Variants in KCNK10 observed in about 807,000 individuals in gnomAD.
KCNK10 encodes the protein potassium channel subfamily K member 10.
Under a neutral mutation model 47.7 loss-of-function variants are expected in KCNK10, and 25 were observed. The ratio of observed to expected loss-of-function variants is 0.52; its 90% CI spans 0.38 to 0.73. The LOEUF (loss-of-function observed/expected upper bound fraction) is 0.73, where lower values mean the gene tolerates loss of function less well. KCNK10 is among the 30% of genes least tolerant of loss of function. KCNK10 has a pLI of 0.00. For synonymous variants in KCNK10, 303 were observed against 285.6 expected (o/e 1.06, Z -0.61); for missense variants, 563 against 714.5 (o/e 0.79, Z 2.42).
chr14:88,247,782 G>A (rs1243831708), intron 2 of KCNK10, among the ~76,000 whole-genome samples: 4 of 152,112 alleles, frequency 2.6e-5, no homozygotes, highest in Admixed American at 6.5e-5. Flanking sequence ...AGCCCCTTGG[G>A]TATTCACTAA....
rs1411383197 is a variant in KCNK10 at position 88,186,141 on chromosome 14, C to T, written c.1026G>A (p.Lys342=). The change falls in exon 7 of 7, where the codon AAG becomes AAA. Residue 342 remains lysine, a synonymous_variant. Coordinates refer to ENST00000319231, the MANE Select transcript of KCNK10 (RefSeq NM_138317.3). This position sits in a 1 kb window ranked among gnomAD's most constrained non-coding sequence, Gnocchi z 5.5. The part of the protein sequence containing the change: ...KKTKEEVGEI[K]AHAAEWKANV... Reference sequence around the variant, plus strand: ...TGGCCTTCCACTCTGCCGCATGGGCCTTGATTTCACCCACCTGGCCAAGAG... The same window carrying T: ...TGGCCTTCCACTCTGCCGCATGGGCTTTGATTTCACCCACCTGGCCAAGAG... 1 of 1,586,370 alleles carries T rather than the reference C, an allele frequency of 6.3e-7. No homozygotes were observed. The highest frequency in any genetic ancestry group is 8.6e-7 in the Non-Finnish European group (1 of 1,166,080).
At chr14:88,199,464 C>T (rs1595076180) in intron 4 of KCNK10, among the ~76,000 whole-genome samples, 1 of 152,264 alleles carries the variant, frequency 6.6e-6, no homozygotes, top group African/African-American at 2.4e-5. Context: ...CATTAAGGAA[C>T]CCTGAGCCCT....
chr14:88,180,927 C>CT lies in KCNK10; in HGVS notation c.*4607dup. The CT allele has an allele frequency of 2.5e-6, 1 of 398,440 alleles. No individual in the cohort carries two copies. Among genetic ancestry groups the CT allele is most frequent in the Non-Finnish European group, 4.4e-6 (1 of 225,926 alleles). 24.7% of individuals were successfully genotyped at this position (398,440 alleles called of 1,614,324 possible). A position where few individuals can be genotyped will look rare whatever the true frequency, so the allele number is the denominator to read the frequency against. On this transcript the variant is annotated 3_prime_UTR_variant, in exon 7 of 7. Transcript: ENST00000319231. ...GTGATCTTTGTTTCAGAGAGTTACC[C>CT]TTTTTCTTTTTAAGGCCATTACTAG...
chr14:88,221,780 C>G (rs1472885016), intron 4 of KCNK10, among the ~76,000 whole-genome samples: 1 of 152,126 alleles, frequency 6.6e-6, no homozygotes, highest in East Asian at 1.9e-4. Context: ...TTCGTAATTA[C>G]CAAAACTTAG....
chr14:88,221,662 T>C (rs1213489410), intron 4 of KCNK10, among the ~76,000 whole-genome samples: 2 of 152,208 alleles, frequency 1.3e-5, no homozygotes, highest in Non-Finnish European at 2.9e-5. Context: ...CACCTAAGCA[T>C]ATTCTTACCA....
intron 3 of KCNK10, among the ~76,000 whole-genome samples, chr14:88,236,485 A>G (rs1886305478): frequency 6.6e-6 from 1 of 152,246 alleles, no homozygotes; most frequent in African/African-American, 2.4e-5. Flanking sequence ...TCAGCCAAGT[A>G]AGTGATCATG....
chr14:88,186,155 C>A lies in KCNK10; in HGVS notation c.1012G>T (p.Val338Leu). ...GCCGCATGGGCCTTGATTTCACCCACCTGGCCAAGAGACAGAAGAGCAACA... is the reference window on the plus strand; with the variant it reads ...GCCGCATGGGCCTTGATTTCACCCAACTGGCCAAGAGACAGAAGAGCAACA... ...RVLSKKTKEE[V>L]GEIKAHAAEW... Residue 338 changes from valine to leucine, a missense_variant and splice_region_variant, in exon 7 of 7, where the codon GTG (valine) becomes TTG (leucine). By Grantham distance (32) the Val-to-Leu change is conservative. Coordinates refer to ENST00000319231, the MANE Select transcript of KCNK10 (RefSeq NM_138317.3). This position sits in a 1 kb window ranked among gnomAD's most constrained non-coding sequence, Gnocchi z 5.5. 2 of 1,576,896 alleles carry A rather than the reference C, an allele frequency of 1.3e-6. No individual in the cohort carries two copies. Among genetic ancestry groups the A allele is most frequent in the Admixed American group, 1.8e-5 (1 of 56,666 alleles).
At chr14:88,223,347 CAT>C (rs1321954583) in intron 4 of KCNK10, among the ~76,000 whole-genome samples, 1 of 149,056 alleles carries the variant, frequency 6.7e-6, no homozygotes, top group East Asian at 2.0e-4. Context: ...TGAATGCACA[CAT>C]AGTTTAAACT....
At chr14:88,231,894 A>T (rs772408372) in intron 3 of KCNK10, among the ~76,000 whole-genome samples, 41 of 152,266 alleles carry the variant, frequency 2.7e-4, no homozygotes, top group Non-Finnish European at 5.6e-4. Context: ...TCTGATACTA[A>T]GGAGTAGCGC....
chr14:88,227,842 G>T (rs1435645497), intron 3 of KCNK10, among the ~76,000 whole-genome samples: 1 of 152,142 alleles, frequency 6.6e-6, no homozygotes, highest in African/African-American at 2.4e-5. Flanking sequence ...CAAGCATCAT[G>T]GGCATGTCTA....
At chr14:88,326,471 CTCCAAGCGGTTCT>C, upstream of KCNK10, 1 of 1,611,790 alleles carries the variant, frequency 6.2e-7, no homozygotes, top group Non-Finnish European at 8.5e-7. Context: ...AAAGATGCCG[CTCCAAGCGGTTCT>C]GTCTCCCTCT....
intron 4 of KCNK10, among the ~76,000 whole-genome samples, chr14:88,223,615 G>A (rs1050723644): frequency 2.0e-5 from 3 of 152,128 alleles, no homozygotes; most frequent in Admixed American, 6.5e-5. Flanking sequence ...TCCCTTTGGC[G>A]AGTTCTTTTT....
Position 88,303,449 on chromosome 14 carries a change from T to C in KCNK10, c.52+19298A>G, listed in dbSNP as rs544237540. 2.6e-5 allele frequency among the ~76,000 whole-genome samples: 4 copies of C among 152,124 alleles called. No individual in the cohort carries two copies. In the South Asian group the frequency reaches 8.3e-4, roughly 32 times the overall value. On this transcript the variant is annotated intron_variant, in intron 1 of 6. Coordinates refer to ENST00000319231, the MANE Select transcript of KCNK10 (RefSeq NM_138317.3). ...AGAATGTGAGGGGAGGAAGTAGTGATGGTGACTTCAGACCACCCTTTCCAG... is the reference window on the plus strand; with the variant it reads ...AGAATGTGAGGGGAGGAAGTAGTGACGGTGACTTCAGACCACCCTTTCCAG...
chr14:88,325,245 C>CTGT (rs1566725495), upstream of KCNK10, among the ~76,000 whole-genome samples: 1 of 152,196 alleles, frequency 6.6e-6, no homozygotes, highest in African/African-American at 2.4e-5. Flanking sequence ...TTCTCTTTAA[C>CTGT]TGTTCACGGA....
chr14:88,270,613 C>A, intron 1 of KCNK10: 2 of 744,878 alleles, frequency 2.7e-6, no homozygotes, highest in Middle Eastern at 2.4e-4. Flanking sequence ...GACTGAGACC[C>A]TATGGAGCCA....
chr14:88,297,444 C>T (rs1354756499), intron 1 of KCNK10, among the ~76,000 whole-genome samples: 5 of 152,230 alleles, frequency 3.3e-5, no homozygotes, highest in Non-Finnish European at 5.9e-5. Context: ...GACCATAAAA[C>T]GTAACGTGCC....
rs551713254 is a variant in KCNK10 at position 88,200,450 on chromosome 14, C to T, written c.682-8040G>A. Among the ~76,000 whole-genome samples, 13 of 152,036 alleles carry T rather than the reference C, an allele frequency of 8.6e-5. 1 individual carries two copies. The highest frequency in any genetic ancestry group is 2.1e-4 in the South Asian group (1 of 4,812). ...GGCATACAAGAAGGCTTCCCAGCTA[C>T]GTGTGTACCTAATTGTTTCAGAGAT... On this transcript the variant is annotated intron_variant, in intron 4 of 6. Coordinates refer to ENST00000319231, the MANE Select transcript of KCNK10 (RefSeq NM_138317.3).
chr14:88,288,213 C>T (rs2139778560), intron 1 of KCNK10, among the ~76,000 whole-genome samples: 1 of 152,320 alleles, frequency 6.6e-6, no homozygotes, highest in East Asian at 1.9e-4. Flanking sequence ...TTGTTCCACT[C>T]ATTGTTCACT....
chr14:88,237,041 C>T (rs1056214477), intron 3 of KCNK10, among the ~76,000 whole-genome samples: 4 of 152,192 alleles, frequency 2.6e-5, no homozygotes, highest in African/African-American at 9.7e-5. Flanking sequence ...ATTTTACCTA[C>T]AGTAGAACTT....
Sources: gnomAD v4.1 joint callset for allele counts (sites outside exome capture counted in the v4.1 genomes callset) on GRCh38, gnomAD v4.1.1 for gene constraint, Gnocchi (gnomAD v3.1) non-coding constraint, MANE v1.5 for transcripts, NCBI Gene and HGNC (gene_info 2026-07-23, HGNC 2026-07-21) for gene names.